Variants in ARHGEF4 observed in about 807,000 individuals in gnomAD.
ARHGEF4 encodes the protein Rho guanine nucleotide exchange factor 4, also known as APC-stimulated guanine nucleotide exchange factor 1.
ARHGEF4 carries 119 observed loss-of-function variants against 162.0 expected under a neutral mutation model. The ratio of observed to expected loss-of-function variants is 0.73; its 90% CI spans 0.63 to 0.86. The LOEUF (loss-of-function observed/expected upper bound fraction) is 0.86. Among genes scored for constraint, ARHGEF4 ranks in the 40% least tolerant of loss-of-function variants. The probability of loss-of-function intolerance (pLI) is 0.00; values close to 1 mark genes in which losing one functional copy is unlikely to be tolerated. For synonymous variants in ARHGEF4, 1,014 were observed against 979.9 expected (o/e 1.03, Z -0.65); for missense variants, 2,488 against 2,456.0 (o/e 1.01, Z -0.28).
At chr2:130,850,687 C>G (rs886964231) in intron 1 of ARHGEF4, among the ~76,000 whole-genome samples, 1 of 152,238 alleles carries the variant, frequency 6.6e-6, no homozygotes, top group East Asian at 1.9e-4. Flanking sequence ...TATCCCTACC[C>G]CATGTCCCTA....
chr2:130,876,171 A>G (rs1678827614), intron 1 of ARHGEF4, among the ~76,000 whole-genome samples: 1 of 152,096 alleles, frequency 6.6e-6, no homozygotes. Context: ...CTGGATTGCC[A>G]TGGCTTGTTT....
chr2:130,920,690 C>G (rs1360137972), intron 2 of ARHGEF4, among the ~76,000 whole-genome samples: 1 of 152,172 alleles, frequency 6.6e-6, no homozygotes, highest in Non-Finnish European at 1.5e-5. Context: ...CAGTTATTCC[C>G]ACTTCGTATT....
At chr2:131,035,792 G>A in intron 5 of ARHGEF4, 1 of 985,354 alleles carries the variant, frequency 1.0e-6, no homozygotes, top group Non-Finnish European at 1.2e-6. Flanking sequence ...CACCCCTGCT[G>A]CACAAACTGC....
chr2:131,013,427 T>C (rs1573611267), intron 4 of ARHGEF4, among the ~76,000 whole-genome samples: 1 of 152,178 alleles, frequency 6.6e-6, no homozygotes, highest in African/African-American at 2.4e-5. Flanking sequence ...GGCCTGATGA[T>C]GCTTGGATGG....
chr2:131,043,511 T>TA lies in ARHGEF4; in HGVS notation c.5086dup (p.Thr1696AsnfsTer16). ...TCTACTCGGGGGAGCTGACTCGAGT[T>TA]ACACAGCCTCAAGCCAAAAGCCAGC... On this transcript the variant is annotated frameshift_variant, in exon 11 of 14. Coordinates refer to ENST00000409359, the MANE Select transcript of ARHGEF4 (RefSeq NM_001367493.1). LOFTEE classifies it high-confidence loss of function. 6.2e-7 allele frequency: 1 copy of TA among 1,614,060 alleles called. No individual in the cohort carries two copies. The highest frequency in any genetic ancestry group is 8.5e-7 in the Non-Finnish European group (1 of 1,180,008).
intron 1 of ARHGEF4, among the ~76,000 whole-genome samples, chr2:130,864,070 C>T (rs933801707): frequency 1.6e-4 from 24 of 151,366 alleles, no homozygotes; most frequent in Admixed American, 1.5e-3. Flanking sequence ...CCTGTAGTCC[C>T]AGCTACTCGG....
intron 4 of ARHGEF4, among the ~76,000 whole-genome samples, chr2:130,989,992 G>T (rs966512009): frequency 2.3e-4 from 35 of 152,312 alleles, no homozygotes; most frequent in African/African-American, 8.2e-4. Flanking sequence ...GACCATCACT[G>T]ATGGTTATGA....
chr2:131,039,443 G>A, intron 6 of ARHGEF4: 1 of 1,027,546 alleles, frequency 9.7e-7, no homozygotes, highest in Non-Finnish European at 1.2e-6. Flanking sequence ...CCTGGAGATA[G>A]CAGAGAGGGG....
At chr2:130,991,409 C>A (rs929823338) in intron 4 of ARHGEF4, among the ~76,000 whole-genome samples, 1 of 152,240 alleles carries the variant, frequency 6.6e-6, no homozygotes, top group African/African-American at 2.4e-5. Context: ...CTGGCCAAGG[C>A]CGGAGCCCAC....
At chr2:130,981,698 G>A (rs1423795595) in intron 4 of ARHGEF4, among the ~76,000 whole-genome samples, 2 of 150,690 alleles carry the variant, frequency 1.3e-5, no homozygotes, top group Non-Finnish European at 3.0e-5. Flanking sequence ...AAAACAAACA[G>A]GAAACAGACC....
At chr2:130,854,216 T>C (rs1681600896) in intron 1 of ARHGEF4, among the ~76,000 whole-genome samples, 1 of 152,340 alleles carries the variant, frequency 6.6e-6, no homozygotes, top group South Asian at 2.1e-4. Context: ...GTTAAAATTA[T>C]AGGCCAAACC....
intron 10 of ARHGEF4, among the ~76,000 whole-genome samples, chr2:131,042,654 CGGGGCT>C (rs1283592582): frequency 1.3e-5 from 2 of 152,144 alleles, no homozygotes; most frequent in African/African-American, 4.8e-5. Flanking sequence ...AGCCCTGGGG[CGGGGCT>C]GAGGAATAGG....
chr2:130,838,442 C>G (rs1680358917), intron 1 of ARHGEF4, among the ~76,000 whole-genome samples: 1 of 152,044 alleles, frequency 6.6e-6, no homozygotes, highest in Non-Finnish European at 1.5e-5. Flanking sequence ...CCCGTCTCTA[C>G]TAAAAATACA....
chr2:131,019,888 C>T (rs958367643), intron 4 of ARHGEF4, among the ~76,000 whole-genome samples: 9 of 152,168 alleles, frequency 5.9e-5, no homozygotes, highest in African/African-American at 2.2e-4. Context: ...CCCGCCTCGG[C>T]CTCCCAAAGT....
At chr2:130,912,958 C>A (rs1444175416) in intron 1 of ARHGEF4, among the ~76,000 whole-genome samples, 1 of 152,038 alleles carries the variant, frequency 6.6e-6, no homozygotes, top group East Asian at 1.9e-4. Context: ...TATAATTGTT[C>A]TATTTTGTTA....
At chr2:130,878,527 T>C (rs1679003896) in intron 1 of ARHGEF4, among the ~76,000 whole-genome samples, 2 of 152,198 alleles carry the variant, frequency 1.3e-5, no homozygotes, top group African/African-American at 4.8e-5. Context: ...TCCCTTCCTT[T>C]ATGGCAAGCC....
chr2:130,921,193 C>G, intron 2 of ARHGEF4, among the ~76,000 whole-genome samples: 1 of 152,204 alleles, frequency 6.6e-6, no homozygotes, highest in East Asian at 1.9e-4. Flanking sequence ...TCTGCCTTCC[C>G]CTGCTCTAAT....
Position 130,846,892 on chromosome 2 carries a change from A to T in ARHGEF4, c.39+9900A>T, listed in dbSNP as rs1340677207. 3.3e-5 allele frequency among the ~76,000 whole-genome samples: 5 copies of T among 152,084 alleles called. No homozygotes were observed. In the East Asian group the frequency reaches 9.6e-4, roughly 29 times the overall value. On this transcript the variant is annotated intron_variant, in intron 1 of 13. Transcript: ENST00000409359. Reference sequence around the variant, plus strand: ...TGGGCCCCGGGGGTCGAGTTATGTGACACGGGTACGTTTAGCAGGAGAATC... The same window carrying T: ...TGGGCCCCGGGGGTCGAGTTATGTGTCACGGGTACGTTTAGCAGGAGAATC...
chr2:130,877,236 G>A (rs1274802237), intron 1 of ARHGEF4, among the ~76,000 whole-genome samples: 1 of 152,182 alleles, frequency 6.6e-6, no homozygotes, highest in African/African-American at 2.4e-5. Flanking sequence ...GCAGAAAGTG[G>A]AGAGGGGATG....
Sources: gnomAD v4.1 joint callset for allele counts (sites outside exome capture counted in the v4.1 genomes callset) on GRCh38, gnomAD v4.1.1 for gene constraint, MANE v1.5 for transcripts, NCBI Gene and HGNC (gene_info 2026-07-23, HGNC 2026-07-21) for gene names.